The following SUPT3H variants were observed in gnomAD, a reference collection of about 807,000 sequenced individuals.
The protein encoded by SUPT3H is SPT3 homolog, SAGA and STAGA complex component, also known as transcription initiation protein SPT3 homolog.
SUPT3H carries 44 observed loss-of-function variants against 44.3 expected under a neutral mutation model. The ratio of observed to expected loss-of-function variants is 0.99; its 90% CI spans 0.78 to 1.28. SUPT3H has a LOEUF of 1.28. SUPT3H is among the 50% of genes most tolerant of loss of function. The pLI, the probability that SUPT3H is intolerant of heterozygous loss-of-function variation, is 0.00. For missense variants in SUPT3H, 380 were observed against 387.1 expected (o/e 0.98, Z 0.15); for synonymous variants, 124 against 125.6 (o/e 0.99, Z 0.09).
intron 2 of SUPT3H, among the ~76,000 whole-genome samples, chr6:45,168,341 T>C (rs1810246096): frequency 6.6e-6 from 1 of 152,110 alleles, no homozygotes; most frequent in Non-Finnish European, 1.5e-5. Context: ...TTTTGGAATA[T>C]TTGCATTACA....
rs142542524 is a variant in SUPT3H at position 45,090,499 on chromosome 6, C to A, written c.186+15423G>T. ...AAGAGACATTTGAAAATATCACCAC[C>A]TGATCTCTGATTTTTATGAAAATGC... is the stretch of plus-strand genomic sequence containing the variant. On this transcript the variant is annotated intron_variant, in intron 3 of 10. Coordinates refer to ENST00000371459, the MANE Select transcript of SUPT3H (RefSeq NM_003599.4). Among the ~76,000 whole-genome samples, 282 of 152,062 alleles carry A rather than the reference C, an allele frequency of 1.9e-3. 1 individual carries two copies. Among genetic ancestry groups the A allele is most frequent in the Admixed American group, 4.1e-3 (62 of 15,264 alleles).
chr6:45,274,949 AT>A (rs537711151), intron 2 of SUPT3H, among the ~76,000 whole-genome samples: 7 of 152,032 alleles, frequency 4.6e-5, no homozygotes, highest in Admixed American at 1.3e-4. Context: ...TGATGCTTTG[AT>A]TTTTTTCTTT....
At chr6:45,178,464 T>C (rs1310247499) in intron 2 of SUPT3H, among the ~76,000 whole-genome samples, 1 of 151,902 alleles carries the variant, frequency 6.6e-6, no homozygotes, top group Admixed American at 6.6e-5. Flanking sequence ...ACATTAATAA[T>C]GGGAGACTTT....
chr6:45,369,196 ACAGT>A (rs1462405496), intron 1 of SUPT3H, among the ~76,000 whole-genome samples: 1 of 152,030 alleles, frequency 6.6e-6, no homozygotes, highest in Non-Finnish European at 1.5e-5. Flanking sequence ...CTTTTCTACC[ACAGT>A]CAAATCAAAC....
intron 2 of SUPT3H, among the ~76,000 whole-genome samples, chr6:45,218,937 A>T (rs1765538937): frequency 6.6e-6 from 1 of 152,234 alleles, no homozygotes; most frequent in Non-Finnish European, 1.5e-5. Flanking sequence ...TTATCTAACC[A>T]TAATTGAATC....
intron 6 of SUPT3H, among the ~76,000 whole-genome samples, chr6:44,970,194 T>C (rs914607899): frequency 1.2e-4 from 18 of 152,136 alleles, no homozygotes; most frequent in African/African-American, 3.9e-4. Context: ...AATGTAGTTA[T>C]TAAAATCAAA....
chr6:44,889,459 A>G (rs1295394782), intron 10 of SUPT3H, among the ~76,000 whole-genome samples: 1 of 152,246 alleles, frequency 6.6e-6, no homozygotes, highest in Non-Finnish European at 1.5e-5. Flanking sequence ...ATAACACCGC[A>G]TATCTGCAAC....
At chr6:45,210,298 A>G (rs1763880327) in intron 2 of SUPT3H, among the ~76,000 whole-genome samples, 1 of 152,172 alleles carries the variant, frequency 6.6e-6, no homozygotes, top group Non-Finnish European at 1.5e-5. Flanking sequence ...TAGACAAAGG[A>G]CAGACAGAAC....
At chr6:45,150,472 G>A (rs1806748284) in intron 2 of SUPT3H, among the ~76,000 whole-genome samples, 1 of 152,006 alleles carries the variant, frequency 6.6e-6, no homozygotes, top group Non-Finnish European at 1.5e-5. Context: ...GCTGAGTAGA[G>A]AGACAACACA....
At chr6:44,943,832 T>A (rs534692700) in intron 9 of SUPT3H, among the ~76,000 whole-genome samples, 15 of 152,182 alleles carry the variant, frequency 9.9e-5, no homozygotes, top group Non-Finnish European at 1.2e-4. Flanking sequence ...TTTTCAGAAA[T>A]ATCAAAACTA....
rs992156498 is a variant in SUPT3H at position 45,016,326 on chromosome 6, ATTTT to A, written c.274-1439_274-1436del. Among the ~76,000 whole-genome samples, 349 of 151,534 alleles carry A rather than the reference ATTTT, an allele frequency of 2.3e-3. 1 individual carries two copies. The highest frequency in any genetic ancestry group is 7.9e-3 in the African/African-American group (326 of 41,420). On this transcript the variant is annotated intron_variant, in intron 4 of 10. Coordinates refer to ENST00000371459, the MANE Select transcript of SUPT3H (RefSeq NM_003599.4). ...GTACCTGACTATAATTGTTTTTTAAATTTTTTTTTATTTATTTTTTTATTTTATT... is the reference window on the plus strand; with the variant it reads ...GTACCTGACTATAATTGTTTTTTAAATTTTTATTTATTTTTTTATTTTATT...
At chr6:44,942,486 G>A (rs1772606590) in intron 9 of SUPT3H, among the ~76,000 whole-genome samples, 1 of 152,154 alleles carries the variant, frequency 6.6e-6, no homozygotes, top group Non-Finnish European at 1.5e-5. Context: ...TGATAAACGA[G>A]ATGCCAGAGT....
intron 4 of SUPT3H, among the ~76,000 whole-genome samples, chr6:45,015,397 G>A (rs2396373): frequency 0.34 from 51,229 of 151,866 alleles, 9,659 homozygotes; most frequent in East Asian, 0.56. Flanking sequence ...CATTTGTAGA[G>A]GGCATATACC....
chr6:44,998,543 A>T (rs1463517316), intron 6 of SUPT3H, among the ~76,000 whole-genome samples: 1 of 151,724 alleles, frequency 6.6e-6, no homozygotes, highest in Non-Finnish European at 1.5e-5. Context: ...TATACCTTTT[A>T]TTGAGAGCTC....
chr6:45,071,152 C>T (rs1388586473), intron 3 of SUPT3H, among the ~76,000 whole-genome samples: 1 of 151,952 alleles, frequency 6.6e-6, no homozygotes, highest in East Asian at 1.9e-4. Context: ...CAGGCAGGTT[C>T]CTATTTGGCA....
rs1804118537 is a variant in SUPT3H, at chr6:45,135,425, A to T, written c.102-29419T>A. Among the ~76,000 whole-genome samples the T allele has an allele frequency of 2.6e-5, 4 of 152,186 alleles. No individual in the cohort carries two copies. In the South Asian group the frequency reaches 8.3e-4, roughly 32 times the overall value. ...TAGGTTCTATTTCTCTTTCAATTAT[A>T]AATTAAATTATTTATCTCTTCTCAC... On this transcript the variant is annotated intron_variant, in intron 2 of 10. Transcript: ENST00000371459.
intron 6 of SUPT3H, among the ~76,000 whole-genome samples, chr6:44,964,048 G>A (rs749693180): frequency 7.9e-5 from 12 of 152,048 alleles, no homozygotes; most frequent in South Asian, 6.2e-4. Context: ...CTCTAAGACT[G>A]ATAATACTAA....
chr6:45,192,633 T>C (rs1249426705), intron 2 of SUPT3H, among the ~76,000 whole-genome samples: 1 of 152,114 alleles, frequency 6.6e-6, no homozygotes, highest in East Asian at 1.9e-4. Context: ...AAGAACAACT[T>C]TGCACACTTT....
At position 44,947,657 on chromosome 6, in the gene SUPT3H, A is replaced by G. The variant is rs552589839; in HGVS notation, c.801+5653T>C. Among the ~76,000 whole-genome samples, 21 of 152,280 alleles carry G rather than the reference A, an allele frequency of 1.4e-4. No individual in the cohort carries two copies. The Middle Eastern group carries it at 0.01, about 74-fold the overall frequency. ...CCATATTAAGCTTAAAAAATAACAG[A>G]GTTTGAAGACTTACATTATAATCAA... On this transcript the variant is annotated intron_variant, in intron 9 of 10. Coordinates refer to ENST00000371459, the MANE Select transcript of SUPT3H (RefSeq NM_003599.4).
Sources: gnomAD v4.1 joint callset for allele counts (sites outside exome capture counted in the v4.1 genomes callset) on GRCh38, gnomAD v4.1.1 for gene constraint, MANE v1.5 for transcripts, NCBI Gene and HGNC (gene_info 2026-07-23, HGNC 2026-07-21) for gene names.